SLC4A7: variants seen among roughly 807,000 people sequenced by gnomAD.
SLC4A7 encodes the protein sodium bicarbonate cotransporter 3.
Under a neutral mutation model 137.6 loss-of-function variants are expected in SLC4A7, and 51 were observed. The ratio of observed to expected loss-of-function variants is 0.37; its 90% confidence interval spans 0.30 to 0.47. The LOEUF is 0.47. SLC4A7 is among the 20% of genes least tolerant of loss of function. The pLI is 1.00. For synonymous variants in SLC4A7, 542 were observed against 518.6 expected (o/e 1.05, Z -0.61); for missense variants, 1,247 against 1,525.4 (o/e 0.82, Z 3.04).
At position 27,448,708 on chromosome 3, in the gene SLC4A7, G is replaced by A. The variant is rs369578431; in HGVS notation, c.232C>T (p.Arg78Trp). The change falls in exon 3 of 26, where the codon CGG becomes TGG. Residue 78 changes from arginine (R) to tryptophan (W), a missense_variant. Coordinates refer to ENST00000454389, the MANE Select transcript of SLC4A7 (RefSeq NM_001321103.2). ...TCTGATTCTTTATCTTTTCTTCTCC[G>A]GTGGTGATGTTTGTGTCCGCGATGC... ...HRHRGHKHHH[R>W]RRKDKESDKE... The A allele has an allele frequency of 1.2e-5, 20 of 1,612,362 alleles. No individual in the cohort carries two copies. Among genetic ancestry groups the A allele is most frequent in the Non-Finnish European group, 1.4e-5 (17 of 1,178,894 alleles).
chr3:27,463,978 G>A (rs2058837438), intron 1 of SLC4A7, among the ~76,000 whole-genome samples: 1 of 152,066 alleles, frequency 6.6e-6, no homozygotes, highest in African/African-American at 2.4e-5. Flanking sequence ...TGAGCTCAGG[G>A]GTTTGAGACC....
At chr3:27,455,570 A>ATTT (rs780026916) in intron 1 of SLC4A7, among the ~76,000 whole-genome samples, 2,406 of 125,312 alleles carry the variant, frequency 0.019, 83 homozygotes, top group African/African-American at 0.069. Context: ...GCATAACTAA[A>ATTT]TTTTTTTTTT....
intron 1 of SLC4A7, among the ~76,000 whole-genome samples, chr3:27,455,010 TAA>T (rs202045007): frequency 2.1e-5 from 3 of 144,892 alleles, no homozygotes; most frequent in Admixed American, 6.9e-5. Context: ...CATGACATGT[TAA>T]AAAAAAAAAA....
intron 8 of SLC4A7, among the ~76,000 whole-genome samples, chr3:27,423,445 C>T (rs1391624222): frequency 1.3e-5 from 2 of 152,004 alleles, no homozygotes; most frequent in East Asian, 3.8e-4. Context: ...AGTCTTTTGC[C>T]CTGTTCTTTT....
intron 18 of SLC4A7, among the ~76,000 whole-genome samples, chr3:27,396,811 C>T (rs1381299231): frequency 1.3e-5 from 2 of 151,912 alleles, no homozygotes; most frequent in Non-Finnish European, 2.9e-5. Flanking sequence ...TGGAAGAAAA[C>T]AAAAACAGAG....
chr3:27,428,120 A>ATGG (rs2055849684), intron 7 of SLC4A7: 1 of 152,454 alleles, frequency 6.6e-6, no homozygotes, highest in Non-Finnish European at 1.5e-5. Context: ...AGTTCTTAAG[A>ATGG]TTAGAATGCT....
intron 3 of SLC4A7, among the ~76,000 whole-genome samples, chr3:27,447,028 G>C (rs1355992420): frequency 6.7e-6 from 1 of 149,710 alleles, no homozygotes; most frequent in African/African-American, 2.5e-5. Flanking sequence ...GATTACAGGT[G>C]CCCATCACCA....
In SLC4A7 at chr3:27,376,113, C is replaced by T. The variant is rs970744729; in HGVS notation, c.*651G>A. 2.0e-5 allele frequency: 3 copies of T among 152,004 alleles called. No homozygotes were observed. Among genetic ancestry groups the T allele is most frequent in the South Asian group, 2.1e-4 (1 of 4,828 alleles). The allele number at this position is 152,004 out of a possible 1,614,324, so 9.4% of individuals were successfully genotyped here. On this transcript the variant is annotated 3_prime_UTR_variant, in exon 26 of 26. Transcript: ENST00000454389. ...AATTATCAAATCACCTGCAATTTTA[C>T]TTGTCTGTCACAATGGATACCTAGA...
chr3:27,475,657 C>T (rs1165364278), intron 1 of SLC4A7, among the ~76,000 whole-genome samples: 2 of 152,160 alleles, frequency 1.3e-5, no homozygotes, highest in African/African-American at 4.8e-5. Flanking sequence ...TAACAAATGA[C>T]CAACTTCCCC....
chr3:27,464,753 C>T (rs912811638), intron 1 of SLC4A7, among the ~76,000 whole-genome samples: 8 of 151,936 alleles, frequency 5.3e-5, no homozygotes, highest in African/African-American at 1.9e-4. Context: ...CCTAGTGAGA[C>T]AGTCAAGTAA....
chr3:27,430,309 A>G (rs2056135459), intron 7 of SLC4A7, among the ~76,000 whole-genome samples: 1 of 151,904 alleles, frequency 6.6e-6, no homozygotes. Flanking sequence ...ATGCACACAC[A>G]CACACACACA....
At chr3:27,398,104 A>T in intron 17 of SLC4A7, 88 bp downstream of exon 17, 1 of 983,784 alleles carries the variant, frequency 1.0e-6, no homozygotes, top group South Asian at 1.7e-5. Flanking sequence ...TTAACCTCAA[A>T]AAATATATTA....
At chr3:27,396,275 G>A (rs2052152753) in intron 18 of SLC4A7, among the ~76,000 whole-genome samples, 1 of 152,024 alleles carries the variant, frequency 6.6e-6, no homozygotes, top group Non-Finnish European at 1.5e-5. Context: ...CTTATACAAT[G>A]CCATTTACTC....
At chr3:27,467,530 T>G (rs559734621) in intron 1 of SLC4A7, among the ~76,000 whole-genome samples, 22 of 152,346 alleles carry the variant, frequency 1.4e-4, no homozygotes, top group African/African-American at 5.3e-4. Context: ...TTTAATTTAA[T>G]TTACACATAA....
chr3:27,473,170 G>A (rs970153420), intron 1 of SLC4A7, among the ~76,000 whole-genome samples: 3 of 151,828 alleles, frequency 2.0e-5, no homozygotes, highest in Admixed American at 6.6e-5. Flanking sequence ...GTGTGTGTAC[G>A]CACCATTAGT....
chr3:27,483,321 A>G lies in SLC4A7; in HGVS notation c.60+746T>C, dbSNP rs1275684907. On this transcript the variant is annotated intron_variant, in intron 1 of 25. Coordinates refer to ENST00000454389, the MANE Select transcript of SLC4A7 (RefSeq NM_001321103.2). Reference sequence around the variant, plus strand: ...TAACCCTGAAATCAAAGCCAGTCTCAGTAGGAAACGCGATCTTGCTAGCTG... The same window carrying G: ...TAACCCTGAAATCAAAGCCAGTCTCGGTAGGAAACGCGATCTTGCTAGCTG... 6.6e-5 allele frequency among the ~76,000 whole-genome samples: 10 copies of G among 152,360 alleles called. No individual in the cohort carries two copies. In the East Asian group the frequency reaches 1.9e-3, roughly 29 times the overall value.
chr3:27,421,523 C>T (rs2054978201), intron 9 of SLC4A7, 99 bp downstream of exon 9: 1 of 935,030 alleles, frequency 1.1e-6, no homozygotes, highest in Non-Finnish European at 1.6e-6. Context: ...ATAAAATAAG[C>T]TTTTATTACA....
intron 1 of SLC4A7, among the ~76,000 whole-genome samples, chr3:27,462,316 C>T (rs921995409): frequency 6.6e-6 from 1 of 152,060 alleles, no homozygotes; most frequent in Non-Finnish European, 1.5e-5. Flanking sequence ...GAAACAAAAC[C>T]AACAAAATAT....
intron 6 of SLC4A7, 40 bp downstream of exon 6, chr3:27,433,876 A>G: frequency 6.4e-7 from 1 of 1,557,768 alleles, no homozygotes; most frequent in Admixed American, 1.7e-5. Context: ...CTGTTACAGT[A>G]GAAGTGTTAG....
Sources: allele counts gnomAD v4.1 joint callset (sites outside exome capture counted in the v4.1 genomes callset), GRCh38; gene constraint gnomAD v4.1.1; transcripts MANE v1.5; gene names NCBI Gene and HGNC (gene_info 2026-07-23, HGNC 2026-07-21).